CACNA1D: variants seen among roughly 807,000 people sequenced by gnomAD.
The protein encoded by CACNA1D is voltage-dependent L-type calcium channel subunit alpha-1D.
A neutral mutation model predicts 257.1 loss-of-function variants in CACNA1D; 55 were observed. The ratio of observed to expected loss-of-function variants is 0.21; its 90% CI spans 0.17 to 0.27. The LOEUF (loss-of-function observed/expected upper bound fraction) is 0.27, where lower values mean the gene tolerates loss of function less well. Ranked by LOEUF, CACNA1D falls within the 10% of genes least tolerant of loss-of-function variation. The pLI is 1.00. For missense variants in CACNA1D, 1,876 were observed against 2,784.0 expected, an observed-to-expected ratio of 0.67 and a Z score of 7.34; for synonymous variants, 980 against 1,014.9, an observed-to-expected ratio of 0.97 and a Z score of 0.65.
In CACNA1D at chr3:53,495,033, C is replaced by A; in HGVS notation, c.-134C>A. 1 of 498,714 alleles carries A rather than the reference C, an allele frequency of 2.0e-6. No homozygotes were observed. The highest frequency in any genetic ancestry group is 4.0e-6 in the Non-Finnish European group (1 of 247,410). 30.9% of individuals were successfully genotyped at this position (498,714 alleles called of 1,614,324 possible). The stretch of plus-strand genomic sequence containing the variant: ...TGTTATTTGTCCCCGTCCCTCCCCA[C>A]CCCCCTGCTGAAGCGAGAATAAGGG... On this transcript the variant is annotated 5_prime_UTR_variant, in exon 1 of 48. Coordinates refer to ENST00000350061, the MANE Select transcript of CACNA1D (RefSeq NM_001128840.3). The surrounding 1 kb of genome is among the most constrained non-coding windows in gnomAD (Gnocchi z 5.1).
intron 3 of CACNA1D, among the ~76,000 whole-genome samples, chr3:53,628,660 GA>G (rs1234409927): frequency 6.6e-6 from 1 of 152,144 alleles, no homozygotes; most frequent in East Asian, 1.9e-4. Flanking sequence ...CTGCAATTCT[GA>G]ATTGCAGTGT....
Position 53,789,919 on chromosome 3 carries a change from T to C in CACNA1D, c.4923+2967T>C, listed in dbSNP as rs1184975519. Among the ~76,000 whole-genome samples the C allele has an allele frequency of 1.3e-5, 2 of 152,196 alleles. No homozygotes were observed. The highest frequency in any genetic ancestry group is 4.8e-5 in the African/African-American group (2 of 41,456). On this transcript the variant is annotated intron_variant, in intron 40 of 47. Transcript: ENST00000350061. The surrounding 1 kb of genome is among the most constrained non-coding windows in gnomAD (Gnocchi z 4.2). The stretch of plus-strand genomic sequence containing the variant: ...ATGCTGCCTCCCACATGAAGGGGAA[T>C]GGCTTGAGCTCCTGGATCCATGTGT...
intron 15 of CACNA1D, among the ~76,000 whole-genome samples, chr3:53,727,446 G>T (rs958840784): frequency 1.3e-5 from 2 of 152,166 alleles, no homozygotes; most frequent in Non-Finnish European, 2.9e-5. Context: ...GCTCCCCTGG[G>T]CTAATTTCAC....
At chr3:53,703,879 G>A (rs931406139) in intron 9 of CACNA1D, among the ~76,000 whole-genome samples, 2 of 152,098 alleles carry the variant, frequency 1.3e-5, no homozygotes, top group African/African-American at 4.8e-5. Context: ...AGAGCTGCAG[G>A]GCACACATAG....
At chr3:53,697,186 G>A (rs2094580385) in intron 8 of CACNA1D, among the ~76,000 whole-genome samples, 1 of 152,206 alleles carries the variant, frequency 6.6e-6, no homozygotes, top group African/African-American at 2.4e-5. Flanking sequence ...AAGGGAAAAT[G>A]GCGAGCTGGC....
At position 53,660,142 on chromosome 3, in the gene CACNA1D, T is replaced by C; in HGVS notation, c.633T>C (p.Ser211=). The change falls in exon 5 of 48, where the codon AGT becomes AGC. Residue 211 remains serine (S), a synonymous_variant. Transcript: ENST00000350061. The stretch of plus-strand genomic sequence containing the variant: ...CTTTCTCTTCTTTCAGATTGTTTAG[T>C]GTAATTTTGGAACAATTAACCAAAG... ...DFVIVIVGLF[S]VILEQLTKET... 1 of 1,613,920 alleles carries C rather than the reference T, an allele frequency of 6.2e-7. No individual in the cohort carries two copies. The highest frequency in any genetic ancestry group is 1.3e-5 in the African/African-American group (1 of 75,058).
chr3:53,757,401 A>C (rs2095272205), intron 29 of CACNA1D, among the ~76,000 whole-genome samples: 1 of 152,152 alleles, frequency 6.6e-6, no homozygotes, highest in Non-Finnish European at 1.5e-5. Context: ...GCCTGGTAAG[A>C]TGCATACATG....
intron 3 of CACNA1D, among the ~76,000 whole-genome samples, chr3:53,632,202 T>C (rs2093829131): frequency 6.6e-6 from 1 of 152,260 alleles, no homozygotes; most frequent in African/African-American, 2.4e-5. Context: ...TCTTAGATCG[T>C]CTGGAGAACT....
chr3:53,673,584 G>A lies in CACNA1D; in HGVS notation c.1220+458G>A. On this transcript the variant is annotated intron_variant, in intron 8 of 47. Transcript: ENST00000350061. The surrounding 1 kb of genome is among the most constrained non-coding windows in gnomAD (Gnocchi z 4.1). ...GCAGAAAAAAAAAAAAAAAGGGAAG[G>A]ACCTAGGCCCAGTCCCTGTCCTAGG... 1 of 729,874 alleles carries A rather than the reference G, an allele frequency of 1.4e-6. No homozygotes were observed. The highest frequency in any genetic ancestry group is 1.8e-5 in the African/African-American group (1 of 56,680). The allele number at this position is 729,874 out of a possible 1,614,324, so 45.2% of individuals were successfully genotyped here.
intron 2 of CACNA1D, among the ~76,000 whole-genome samples, chr3:53,500,617 C>T (rs1180607255): frequency 1.3e-5 from 2 of 152,054 alleles, no homozygotes; most frequent in Non-Finnish European, 2.9e-5. Context: ...AGTGTATAGG[C>T]GAAGCACTGT....
intron 4 of CACNA1D, among the ~76,000 whole-genome samples, chr3:53,654,690 T>C (rs1451992158): frequency 6.6e-6 from 1 of 152,192 alleles, no homozygotes; most frequent in Non-Finnish European, 1.5e-5. Context: ...TATTTGGTAT[T>C]ATAATGGCAA....
intron 18 of CACNA1D, 60 bp from the exon 19 acceptor site, chr3:53,732,755 T>A (rs1409773884): frequency 6.7e-7 from 1 of 1,495,574 alleles, no homozygotes; most frequent in Non-Finnish European, 9.3e-7. Context: ...AAATTAAGAA[T>A]AATTCAAACC....
At position 53,666,505 on chromosome 3, in the gene CACNA1D, C is replaced by T; in HGVS notation, c.1086C>T (p.Thr362=). The T allele has an allele frequency of 6.2e-7, 1 of 1,614,140 alleles. No homozygotes were observed. Among genetic ancestry groups the T allele is most frequent in the Non-Finnish European group, 8.5e-7 (1 of 1,179,974 alleles). ...TGCTTACTGTGTTTCAGTGCATCAC[C>T]ATGGAGGGCTGGACAGATGTGCTCT... ...FAMLTVFQCI[T]MEGWTDVLYW... The change falls in exon 7 of 48, where the codon ACC becomes ACT. Residue 362 remains threonine, a synonymous_variant. Transcript: ENST00000350061.
chr3:53,554,069 GC>G (rs1315752483), intron 3 of CACNA1D, among the ~76,000 whole-genome samples: 1 of 151,894 alleles, frequency 6.6e-6, no homozygotes, highest in East Asian at 1.9e-4. Flanking sequence ...GGTGGTGGGT[GC>G]CTATAGTCCC....
Position 53,730,525 on chromosome 3 carries a change from G to A in CACNA1D, c.2305G>A (p.Ala769Thr). 1 of 1,614,068 alleles carries A rather than the reference G, an allele frequency of 6.2e-7. No homozygotes were observed. The highest frequency in any genetic ancestry group is 8.5e-7 in the Non-Finnish European group (1 of 1,179,874). Reference sequence around the variant, plus strand: ...TCTGAACACTGCTCAGAAAGAAGAAGCGGAAGAAAAGGAGAGGAAAAAGAT... The same window carrying A: ...TCTGAACACTGCTCAGAAAGAAGAAACGGAAGAAAAGGAGAGGAAAAAGAT... Reference protein sequence around the residue: ...ESLNTAQKEEAEEKERKKIAR... With the variant: ...ESLNTAQKEETEEKERKKIAR... The change falls in exon 16 of 48, where the codon GCG becomes ACG. Residue 769 changes from alanine to threonine, a missense_variant. Physicochemically the swap from Ala to Thr is moderately conservative, Grantham distance 58 (BLOSUM62 0). Coordinates refer to ENST00000350061, the MANE Select transcript of CACNA1D (RefSeq NM_001128840.3).
At chr3:53,564,936 G>A (rs1413056293) in intron 3 of CACNA1D, among the ~76,000 whole-genome samples, 1 of 152,104 alleles carries the variant, frequency 6.6e-6, no homozygotes, top group Non-Finnish European at 1.5e-5. Flanking sequence ...TTGTTTGTTT[G>A]TTTTTGTTTT....
At chr3:53,579,578 G>A (rs76045960) in intron 3 of CACNA1D, among the ~76,000 whole-genome samples, 6,686 of 152,224 alleles carry the variant, frequency 0.044, 419 homozygotes, top group African/African-American at 0.14. Flanking sequence ...TGAGGGACTA[G>A]TGAGCAATTC....
chr3:53,623,133 C>T (rs1350448060), intron 3 of CACNA1D, among the ~76,000 whole-genome samples: 5 of 152,212 alleles, frequency 3.3e-5, no homozygotes, highest in East Asian at 1.9e-4. Context: ...CGTGATCAGC[C>T]GGTCTTGGCC....
chr3:53,810,632 C>A (rs1437477137), intron 47 of CACNA1D: 3 of 375,452 alleles, frequency 8.0e-6, no homozygotes, highest in Non-Finnish European at 5.1e-6. Context: ...GTGGTGTATG[C>A]CTGTAATCCC....
Sources: allele counts gnomAD v4.1 joint callset (sites outside exome capture counted in the v4.1 genomes callset), GRCh38; gene constraint gnomAD v4.1.1; non-coding constraint Gnocchi (gnomAD v3.1); transcripts MANE v1.5; gene names NCBI Gene and HGNC (gene_info 2026-07-23, HGNC 2026-07-21).